CNTLN: variants seen among roughly 807,000 people sequenced by gnomAD.
The protein encoded by CNTLN is centlein, centrosomal protein.
CNTLN carries 212 observed loss-of-function variants against 180.0 expected under a neutral mutation model. The observed-to-expected ratio is 1.18, with a 90% CI of 1.05 to 1.32. The LOEUF (loss-of-function observed/expected upper bound fraction) is 1.32. CNTLN is among the 40% of genes most tolerant of loss of function. The pLI, the probability that CNTLN is intolerant of heterozygous loss-of-function variation, is 0.00. For synonymous variants in CNTLN, 722 were observed against 563.1 expected (o/e 1.28, Z -3.99); for missense variants, 2,095 against 1,610.9 (o/e 1.30, Z -5.14).
chr9:17,325,480 C>T lies in CNTLN; in HGVS notation c.1342-5152C>T, dbSNP rs555016406. The stretch of plus-strand genomic sequence containing the variant: ...GGGTTTGAATTAGTTTTCAGAGAAC[C>T]GTCATTCAAGTAGTTAGTTTTTCTG... On this transcript the variant is annotated intron_variant, in intron 8 of 25. Transcript: ENST00000380647. Among the ~76,000 whole-genome samples the T allele has an allele frequency of 2.0e-5, 3 of 146,354 alleles. No homozygotes were observed. In the East Asian group the frequency reaches 6.3e-4, roughly 31 times the overall value.
intron 2 of CNTLN, among the ~76,000 whole-genome samples, chr9:17,150,731 T>C (rs1818806389): frequency 6.6e-6 from 1 of 152,226 alleles, no homozygotes; most frequent in Non-Finnish European, 1.5e-5. Flanking sequence ...ATCTATAAAT[T>C]ACTTTGGGCA....
At chr9:17,137,660 T>G (rs1487903290) in intron 1 of CNTLN, among the ~76,000 whole-genome samples, 1 of 152,162 alleles carries the variant, frequency 6.6e-6, no homozygotes, top group Non-Finnish European at 1.5e-5. Flanking sequence ...AAACATACAG[T>G]TTAGGAAAAA....
At chr9:17,356,893 G>C (rs1446579540) in intron 12 of CNTLN, among the ~76,000 whole-genome samples, 1 of 151,578 alleles carries the variant, frequency 6.6e-6, no homozygotes, top group Non-Finnish European at 1.5e-5. Context: ...TCTGTTTCCT[G>C]CCCTCCCCAT....
intron 23 of CNTLN, among the ~76,000 whole-genome samples, chr9:17,481,327 G>A (rs1832633713): frequency 6.6e-6 from 1 of 152,158 alleles, no homozygotes; most frequent in African/African-American, 2.4e-5. Flanking sequence ...CAACAACTAT[G>A]GGGCACAGCT....
At chr9:17,387,079 C>T (rs1360723381) in intron 13 of CNTLN, among the ~76,000 whole-genome samples, 1 of 152,116 alleles carries the variant, frequency 6.6e-6, no homozygotes, top group Non-Finnish European at 1.5e-5. Flanking sequence ...TTCATAAGTA[C>T]AGAAGTTTTA....
chr9:17,508,456 T>C (rs1261046219), downstream of CNTLN, among the ~76,000 whole-genome samples: 1 of 152,068 alleles, frequency 6.6e-6, no homozygotes. Flanking sequence ...TTCGTTGGAG[T>C]GTTTTTAGGA....
chr9:17,348,772 C>T (rs1354207534), intron 12 of CNTLN, among the ~76,000 whole-genome samples: 1 of 152,018 alleles, frequency 6.6e-6, no homozygotes, highest in Admixed American at 6.5e-5. Context: ...TCAAGTAATC[C>T]ACTTGCCTTG....
At chr9:17,364,230 A>G (rs1014834898) in intron 12 of CNTLN, among the ~76,000 whole-genome samples, 3 of 151,962 alleles carry the variant, frequency 2.0e-5, no homozygotes, top group African/African-American at 4.8e-5. Flanking sequence ...CAGTCTTTCA[A>G]TTCTCTCCTT....
intron 6 of CNTLN, among the ~76,000 whole-genome samples, chr9:17,280,232 G>A (rs1479519720): frequency 6.6e-6 from 1 of 152,152 alleles, no homozygotes; most frequent in African/African-American, 2.4e-5. Context: ...CATCCTTCAT[G>A]AGGTGGGAAG....
chr9:17,492,182 T>C (rs1412906196), intron 25 of CNTLN, among the ~76,000 whole-genome samples: 4 of 152,102 alleles, frequency 2.6e-5, no homozygotes, highest in African/African-American at 9.7e-5. Flanking sequence ...ATCACTAGAA[T>C]GTGATTACAG....
intron 23 of CNTLN, among the ~76,000 whole-genome samples, chr9:17,472,246 T>G (rs1472444834): frequency 4.6e-5 from 7 of 152,152 alleles, no homozygotes; most frequent in African/African-American, 9.7e-5. Context: ...TTGGAATTCC[T>G]GTATTATTCA....
intron 2 of CNTLN, among the ~76,000 whole-genome samples, chr9:17,179,695 G>T (rs560528717): frequency 1.4e-4 from 21 of 152,232 alleles, no homozygotes; most frequent in African/African-American, 5.1e-4. Context: ...GGTTGATTTT[G>T]TTGCTGAGCT....
At chr9:17,345,435 T>G (rs1297970056) in intron 12 of CNTLN, among the ~76,000 whole-genome samples, 1 of 152,160 alleles carries the variant, frequency 6.6e-6, no homozygotes, top group African/African-American at 2.4e-5. Context: ...GTTTGTTTCC[T>G]CTGTTTCCCA....
chr9:17,305,106 G>C (rs575990889), intron 7 of CNTLN, among the ~76,000 whole-genome samples: 4 of 152,084 alleles, frequency 2.6e-5, no homozygotes, highest in Admixed American at 1.3e-4. Context: ...ATTCGAAAAG[G>C]CGTTCTTCAG....
At chr9:17,338,159 C>G (rs935713945) in intron 10 of CNTLN, among the ~76,000 whole-genome samples, 1 of 147,132 alleles carries the variant, frequency 6.8e-6, no homozygotes, top group Non-Finnish European at 1.5e-5. Flanking sequence ...TTCTTTCTTT[C>G]TTTTTCTTTC....
chr9:17,387,550 T>C (rs993506152), intron 13 of CNTLN, among the ~76,000 whole-genome samples: 3 of 152,162 alleles, frequency 2.0e-5, no homozygotes, highest in African/African-American at 4.8e-5. Flanking sequence ...GGCAGTCAAA[T>C]GTATAGCTAG....
At chr9:17,433,189 C>T (rs980212543) in intron 18 of CNTLN, among the ~76,000 whole-genome samples, 2 of 151,752 alleles carry the variant, frequency 1.3e-5, no homozygotes, top group East Asian at 3.9e-4. Context: ...AATAGCTTGA[C>T]TTATAACTGT....
intron 2 of CNTLN, among the ~76,000 whole-genome samples, chr9:17,180,526 A>T (rs144512635): frequency 1.3e-5 from 2 of 151,708 alleles, no homozygotes; most frequent in Admixed American, 1.3e-4. Context: ...TTAGAACCAC[A>T]TAAGATATTA....
At chr9:17,400,198 C>T (rs1020372725) in intron 15 of CNTLN, among the ~76,000 whole-genome samples, 3 of 152,102 alleles carry the variant, frequency 2.0e-5, no homozygotes, top group East Asian at 3.9e-4. Context: ...AGTGCAATGG[C>T]GTGGTCTCGG....
Sources: gnomAD v4.1 joint callset for allele counts (sites outside exome capture counted in the v4.1 genomes callset) on GRCh38, gnomAD v4.1.1 for gene constraint, MANE v1.5 for transcripts, NCBI Gene and HGNC (gene_info 2026-07-23, HGNC 2026-07-21) for gene names.